Variants in CCT8 observed in about 807,000 individuals in gnomAD.
The protein encoded by CCT8 is T-complex protein 1 subunit theta.
A neutral mutation model predicts 65.7 loss-of-function variants in CCT8; 10 were observed. The ratio of observed to expected loss-of-function variants is 0.15; its 90% CI spans 0.09 to 0.26. CCT8 has a LOEUF of 0.26. Among genes scored for constraint, CCT8 ranks in the 10% least tolerant of loss-of-function variants. The probability of loss-of-function intolerance (pLI) is 1.00; values close to 1 mark genes in which losing one functional copy is unlikely to be tolerated. For synonymous variants in CCT8, 199 were observed against 221.8 expected (o/e 0.90, Z 0.92); for missense variants, 568 against 669.1 (o/e 0.85, Z 1.67).
At chr21:29,059,334 G>T (rs1455021118) in intron 14 of CCT8, 1 of 152,186 alleles carries the variant, frequency 6.6e-6, no homozygotes, top group Non-Finnish European at 1.5e-5. Flanking sequence ...CACATAGAGT[G>T]CAAAGACTGG....
chr21:29,065,338 G>A (rs1378748225), intron 6 of CCT8, among the ~76,000 whole-genome samples: 1 of 152,180 alleles, frequency 6.6e-6, no homozygotes. Flanking sequence ...TCCATGTACT[G>A]GGAAGAACCA....
intron 14 of CCT8, among the ~76,000 whole-genome samples, chr21:29,058,750 C>T (rs964288738): frequency 1.3e-5 from 2 of 151,764 alleles, no homozygotes; most frequent in Non-Finnish European, 2.9e-5. Context: ...TGCCACCACG[C>T]CCAGCTAATT....
Position 29,073,426 on chromosome 21 carries a change from A to G in CCT8, c.60+105T>C, listed in dbSNP as rs951476651. On this transcript the variant is annotated intron_variant, in intron 1 of 14. Coordinates refer to ENST00000286788, the MANE Select transcript of CCT8 (RefSeq NM_006585.4). ...GAATCTTCTCTTCCCCCGGCCGCTG[A>G]GCCAGGGCAGCACGCTCAGCCCGTT... 5 of 1,578,576 alleles carry G rather than the reference A, an allele frequency of 3.2e-6. No individual in the cohort carries two copies. In the African/African-American group the frequency reaches 5.4e-5, roughly 17 times the overall value.
At chr21:29,057,216 C>A (rs1161793174) in intron 14 of CCT8, among the ~76,000 whole-genome samples, 1 of 149,174 alleles carries the variant, frequency 6.7e-6, no homozygotes, top group African/African-American at 2.5e-5. Context: ...GTTGCCCAGG[C>A]TAGAGAGTGC....
At chr21:29,065,166 G>A (rs2085608056) in intron 6 of CCT8, 61 bp from the exon 7 acceptor site, 26 of 1,547,170 alleles carry the variant, frequency 1.7e-5, no homozygotes, top group Non-Finnish European at 2.3e-5. Flanking sequence ...CGGTCAAACT[G>A]TTGATTCTCC....
rs1368461725 is a variant in CCT8, at chr21:29,060,553, A to C, written c.1557T>G (p.Leu519=). Residue 519 remains leucine (L), a synonymous_variant, in exon 14 of 15, where the codon CTT becomes CTG. Coordinates refer to ENST00000286788, the MANE Select transcript of CCT8 (RefSeq NM_006585.4). ...KLATNAAVTV[L]RVDQIIMAKP... ...TCACTTTGCTCACCTGATCCACTCT[A>C]AGTACAGTGACTGCAGCATTAGTAG... The C allele has an allele frequency of 6.2e-7, 1 of 1,613,876 alleles. No individual in the cohort carries two copies. Among genetic ancestry groups the C allele is most frequent in the Non-Finnish European group, 8.5e-7 (1 of 1,179,800 alleles).
intron 6 of CCT8, among the ~76,000 whole-genome samples, 181 bp downstream of exon 6, chr21:29,066,535 G>A (rs939762535): frequency 2.0e-4 from 30 of 152,008 alleles, no homozygotes; most frequent in African/African-American, 5.6e-4. Flanking sequence ...GCGAGACTCC[G>A]TCTCAAAAAT....
Position 29,062,161 on chromosome 21 carries a change from G to A in CCT8, c.1179C>T (p.Asp393=), listed in dbSNP as rs148753136. 3.5e-4 allele frequency: 569 copies of A among 1,612,378 alleles called. 4 individuals carry two copies. In the African/African-American group the frequency reaches 6.8e-3, roughly 19 times the overall value. ...GAACTTTGAAAGTATTAACACCATCGTCTACTGCCCTTTCTATGTCATCCA... is the reference window on the plus strand; with the variant it reads ...GAACTTTGAAAGTATTAACACCATCATCTACTGCCCTTTCTATGTCATCCA... ...NLMDDIERAV[D]DGVNTFKVLT... The change falls in exon 11 of 15, where the codon GAC becomes GAT. Residue 393 remains aspartate (D), a synonymous_variant. Transcript: ENST00000286788.
rs1191115336 is a variant in CCT8, at chr21:29,064,953, T to C, written c.762+15A>G. 6.2e-7 allele frequency: 1 copy of C among 1,610,976 alleles called. No individual in the cohort carries two copies. Among genetic ancestry groups the C allele is most frequent in the Non-Finnish European group, 8.5e-7 (1 of 1,177,948 alleles). Reference sequence around the variant, plus strand: ...CAACCCCAATTATTACTTTTAAGGTTTGAAGTCTACATACCTTAGTTTCTG... The same window carrying C: ...CAACCCCAATTATTACTTTTAAGGTCTGAAGTCTACATACCTTAGTTTCTG... On this transcript the variant is annotated intron_variant, in intron 7 of 14. Transcript: ENST00000286788.
At chr21:29,064,346 C>T (rs1159784278) in intron 7 of CCT8, among the ~76,000 whole-genome samples, 4 of 121,960 alleles carry the variant, frequency 3.3e-5, no homozygotes, top group African/African-American at 9.4e-5. Context: ...ACCCAGGAGG[C>T]GGAGGTTGCA....
chr21:29,071,920 C>T (rs1214073588), intron 1 of CCT8: 4 of 701,970 alleles, frequency 5.7e-6, no homozygotes, highest in Non-Finnish European at 7.8e-6. Flanking sequence ...CTACGTATCC[C>T]GGCCCTTGTA....
chr21:29,057,806 G>GA (rs1356965140), intron 14 of CCT8, among the ~76,000 whole-genome samples: 4 of 148,734 alleles, frequency 2.7e-5, no homozygotes, highest in African/African-American at 4.9e-5. Context: ...ATATACATAT[G>GA]TATGATATAT....
intron 1 of CCT8, among the ~76,000 whole-genome samples, chr21:29,070,814 C>G (rs1015132815): frequency 1.3e-5 from 2 of 152,118 alleles, no homozygotes; most frequent in African/African-American, 4.8e-5. Context: ...AGTAGAATAC[C>G]TTTCCAGAAT....
chr21:29,069,234 T>TAA (rs2085656345), intron 3 of CCT8, among the ~76,000 whole-genome samples, 189 bp downstream of exon 3: 1 of 152,226 alleles, frequency 6.6e-6, no homozygotes, highest in African/African-American at 2.4e-5. Context: ...GAGAGATTTT[T>TAA]AAGATTTCAG....
chr21:29,073,533 T>G lies in CCT8; in HGVS notation c.58A>C (p.Lys20Gln). 1 of 1,614,114 alleles carries G rather than the reference T, an allele frequency of 6.2e-7. No homozygotes were observed. The highest frequency in any genetic ancestry group is 1.7e-5 in the Admixed American group (1 of 60,022). ...CATTCCTTTCCTTCAGCCCTTACTT[T>G]CGCTCCCTCCTTGAGCATCTGGGCA... ...GFAQMLKEGA[K>Q]HFSGLEEAVY... Residue 20 changes from lysine (K) to glutamine (Q), a missense_variant and splice_region_variant, in exon 1 of 15, where the codon AAA (lysine) becomes CAA (glutamine). Coordinates refer to ENST00000286788, the MANE Select transcript of CCT8 (RefSeq NM_006585.4).
chr21:29,068,755 G>A (rs1158932034), intron 3 of CCT8, among the ~76,000 whole-genome samples: 1 of 152,150 alleles, frequency 6.6e-6, no homozygotes, highest in South Asian at 2.1e-4. Context: ...GTGAGCCACC[G>A]CGTCCAACCA....
intron 6 of CCT8, among the ~76,000 whole-genome samples, chr21:29,065,684 A>G (rs150706555): frequency 1.8e-4 from 28 of 152,264 alleles, no homozygotes; most frequent in African/African-American, 6.8e-4. Context: ...TACTAACATT[A>G]AAGTGTGAAT....
chr21:29,062,581 TAA>T (rs2085576449), intron 8 of CCT8, 25 bp from the exon 9 acceptor site: 1 of 1,589,230 alleles, frequency 6.3e-7, no homozygotes, highest in African/African-American at 1.3e-5. Flanking sequence ...AAGACCTTAA[TAA>T]AAGTTTTAAT....
At chr21:29,066,649 A>C in intron 6 of CCT8, 67 bp downstream of exon 6, 1 of 1,082,904 alleles carries the variant, frequency 9.2e-7, no homozygotes, top group Non-Finnish European at 1.3e-6. Flanking sequence ...TTTTTTGCAC[A>C]AAAAAACAAA....
Sources: allele counts gnomAD v4.1 joint callset (sites outside exome capture counted in the v4.1 genomes callset), GRCh38; gene constraint gnomAD v4.1.1; transcripts MANE v1.5; gene names NCBI Gene and HGNC (gene_info 2026-07-23, HGNC 2026-07-21).